KCTD1: variants seen among roughly 807,000 people sequenced by gnomAD.
KCTD1 encodes BTB/POZ domain-containing protein KCTD1.
A neutral mutation model predicts 66.0 loss-of-function variants in KCTD1; 24 were observed. That is an observed-to-expected ratio of 0.36 (90% CI 0.26 to 0.51). The LOEUF (loss-of-function observed/expected upper bound fraction) is 0.51, where lower values mean the gene tolerates loss of function less well. Among genes scored for constraint, KCTD1 ranks in the 20% least tolerant of loss-of-function variants. KCTD1 has a pLI of 0.95. For synonymous variants in KCTD1, 511 were observed against 517.2 expected, an observed-to-expected ratio of 0.99 and a Z score of 0.16; for missense variants, 943 against 1,205.2, an observed-to-expected ratio of 0.78 and a Z score of 3.22.
intron 1 of KCTD1, among the ~76,000 whole-genome samples, chr18:26,649,336 T>C (rs1302535303): frequency 6.6e-6 from 1 of 152,158 alleles, no homozygotes; most frequent in Non-Finnish European, 1.5e-5. Context: ...TTATGGTCCA[T>C]ATCTCTGGGA....
At chr18:26,549,574 G>T, upstream of KCTD1, 1 of 731,858 alleles carries the variant, frequency 1.4e-6, no homozygotes, top group Non-Finnish European at 1.7e-6. Flanking sequence ...CTGCCCCTGA[G>T]CAAAGTGACA....
chr18:26,488,182 C>T (rs570887269), intron 2 of KCTD1, among the ~76,000 whole-genome samples: 5 of 149,798 alleles, frequency 3.3e-5, no homozygotes, highest in Admixed American at 6.8e-5. Flanking sequence ...AAGAATGGAA[C>T]TTCATTTTTT....
In KCTD1 at chr18:26,455,204, T is replaced by G. The variant is rs1052492325; in HGVS notation, c.*539A>C. 4.6e-5 allele frequency: 7 copies of G among 152,716 alleles called. No individual in the cohort carries two copies. Among genetic ancestry groups the G allele is most frequent in the African/African-American group, 1.7e-4 (7 of 41,462 alleles). 9.5% of individuals were successfully genotyped at this position (152,716 alleles called of 1,614,324 possible). A position where few individuals can be genotyped will look rare whatever the true frequency, so the allele number is the denominator to read the frequency against. ...CATGTCTAACATCTTTGCAATGTGCTCATGAGGGTTTTTCTGAAGTCCTGC... is the reference window on the plus strand; with the variant it reads ...CATGTCTAACATCTTTGCAATGTGCGCATGAGGGTTTTTCTGAAGTCCTGC... On this transcript the variant is annotated 3_prime_UTR_variant, in exon 5 of 5. Coordinates refer to ENST00000580059, the MANE Select transcript of KCTD1 (RefSeq NM_001142730.3).
chr18:26,514,566 A>C (rs1486362215), intron 1 of KCTD1, among the ~76,000 whole-genome samples: 1 of 127,132 alleles, frequency 7.9e-6, no homozygotes, highest in Admixed American at 7.7e-5. Context: ...AAAAAAAAAA[A>C]AAAAAGAAAT....
At chr18:26,487,037 A>G (rs977937016) in intron 2 of KCTD1, among the ~76,000 whole-genome samples, 6 of 152,236 alleles carry the variant, frequency 3.9e-5, no homozygotes, top group African/African-American at 1.4e-4. Context: ...CCTGGAAGCA[A>G]GTAACTGAAT....
At chr18:26,486,519 G>A (rs1198804754) in intron 2 of KCTD1, among the ~76,000 whole-genome samples, 1 of 152,202 alleles carries the variant, frequency 6.6e-6, no homozygotes, top group Non-Finnish European at 1.5e-5. Flanking sequence ...TGGAAGGACT[G>A]TTCCTATTCC....
rs546673826 is a variant in KCTD1 at position 26,583,588 on chromosome 18, C to T, written c.-16+45559G>A. Among the ~76,000 whole-genome samples the T allele has an allele frequency of 3.3e-5, 5 of 152,122 alleles. No homozygotes were observed. The East Asian group carries it at 9.6e-4, about 29-fold the overall frequency. On this transcript the variant is annotated intron_variant, in intron 1 of 4. Transcript: ENST00000317932. ...GTACTCTCTGATGTACTCTGTTTCA[C>T]CTTATAGGAATTCAAAAGCACTTGG...
chr18:26,628,056 C>T (rs767131984), intron 1 of KCTD1, among the ~76,000 whole-genome samples: 1 of 152,190 alleles, frequency 6.6e-6, no homozygotes, highest in Non-Finnish European at 1.5e-5. Context: ...CTTCCCTGGG[C>T]TAGAGGCCCT....
intron 3 of KCTD1, among the ~76,000 whole-genome samples, chr18:26,465,826 C>T (rs937829421): frequency 5.3e-5 from 8 of 152,166 alleles, no homozygotes; most frequent in Middle Eastern, 3.2e-3. Flanking sequence ...CGGGGTGGGG[C>T]TGGCTGCTCT....
intron 1 of KCTD1, chr18:26,600,463 G>A (rs991941475): frequency 6.7e-5 from 44 of 653,618 alleles, no homozygotes; most frequent in Non-Finnish European, 1.2e-4. Context: ...TGCAGAGTGG[G>A]TGCTTAGCAG....
rs140504039 is a variant in KCTD1, at chr18:26,622,129, A to G, written c.-16+7018T>C. ...CTTATTAAGGGCATTTCTCAATCCAATACAACTATGGCTTGCAAACTGTCT... is the reference window on the plus strand; with the variant it reads ...CTTATTAAGGGCATTTCTCAATCCAGTACAACTATGGCTTGCAAACTGTCT... On this transcript the variant is annotated intron_variant, in intron 1 of 4. Coordinates refer to the KCTD1 transcript ENST00000317932. 5.3e-5 allele frequency among the ~76,000 whole-genome samples: 8 copies of G among 152,350 alleles called. No homozygotes were observed. The East Asian group carries it at 1.3e-3, about 26-fold the overall frequency.
intron 1 of KCTD1, among the ~76,000 whole-genome samples, chr18:26,649,329 T>C (rs1987984775): frequency 6.6e-6 from 1 of 152,188 alleles, no homozygotes; most frequent in African/African-American, 2.4e-5. Context: ...AGGCCTCTTA[T>C]GGTCCATATC....
intron 1 of KCTD1, among the ~76,000 whole-genome samples, chr18:26,583,393 C>CAAAAAAAA (rs55720907): frequency 1.4e-4 from 12 of 83,810 alleles, no homozygotes; most frequent in South Asian, 1.0e-3. Context: ...GACTTTGTCT[C>CAAAAAAAA]AAAAAAAAAA....
intron 1 of KCTD1, among the ~76,000 whole-genome samples, chr18:26,559,143 A>G (rs1286866475): frequency 6.6e-6 from 1 of 152,154 alleles, no homozygotes; most frequent in East Asian, 1.9e-4. Context: ...GAGGATTAAT[A>G]GGTACAAAAA....
intron 1 of KCTD1, among the ~76,000 whole-genome samples, chr18:26,610,530 A>G (rs1987111356): frequency 6.6e-6 from 1 of 152,044 alleles, no homozygotes; most frequent in South Asian, 2.1e-4. Flanking sequence ...GTGAGCTATG[A>G]CAGCGCCAAT....
In KCTD1 at chr18:26,461,581, G is replaced by A. The variant is rs146860512; in HGVS notation, c.2134-1656C>T. Among the ~76,000 whole-genome samples the A allele has an allele frequency of 7.8e-3, 1,182 of 152,326 alleles. 9 individuals are homozygous for A. The highest frequency in any genetic ancestry group is 0.012 in the Non-Finnish European group (841 of 68,036). ...GCCCTTAGCCCAGCCTGAGGGGTAG[G>A]AGTGGGGAAGCCTCTGCAGGTTCCT... On this transcript the variant is annotated intron_variant, in intron 3 of 4. Coordinates refer to ENST00000580059, the MANE Select transcript of KCTD1 (RefSeq NM_001142730.3).
chr18:26,576,609 A>G (rs1488041374), intron 1 of KCTD1, among the ~76,000 whole-genome samples: 1 of 152,160 alleles, frequency 6.6e-6, no homozygotes, highest in East Asian at 1.9e-4. Flanking sequence ...ATCGTTCCTC[A>G]TCAATCCCAC....
At chr18:26,484,602 G>C (rs1001126675) in intron 2 of KCTD1, among the ~76,000 whole-genome samples, 1 of 152,174 alleles carries the variant, frequency 6.6e-6, no homozygotes, top group African/African-American at 2.4e-5. Context: ...ACTATGAAAA[G>C]TACTATTACA....
At chr18:26,528,700 C>A (rs1219911849) in intron 1 of KCTD1, among the ~76,000 whole-genome samples, 1 of 152,178 alleles carries the variant, frequency 6.6e-6, no homozygotes, top group Non-Finnish European at 1.5e-5. Context: ...GCAGAGATGA[C>A]TAATGGCCTC....
Sources: allele counts gnomAD v4.1 joint callset (sites outside exome capture counted in the v4.1 genomes callset), GRCh38; gene constraint gnomAD v4.1.1; transcripts MANE v1.5; gene names NCBI Gene and HGNC (gene_info 2026-07-23, HGNC 2026-07-21).